OLFM1: variants seen among roughly 807,000 people sequenced by gnomAD.
OLFM1 encodes noelin.
In OLFM1, 9 loss-of-function variants were observed where a neutral mutation model predicts 49.7. The observed-to-expected ratio is 0.18, with a 90% CI of 0.11 to 0.32. The LOEUF is 0.32. OLFM1 is among the 10% of genes least tolerant of loss of function. The pLI, the probability that OLFM1 is intolerant of heterozygous loss-of-function variation, is 1.00. For synonymous variants in OLFM1, 240 were observed against 271.8 expected (o/e 0.88, Z 1.15); for missense variants, 369 against 661.8 (o/e 0.56, Z 4.85).
chr9:135,119,783 A>G lies in OLFM1; in HGVS notation c.1063A>G (p.Ile355Val). 6.2e-7 allele frequency: 1 copy of G among 1,614,006 alleles called. No homozygotes were observed. Among genetic ancestry groups the G allele is most frequent in the Non-Finnish European group, 8.5e-7 (1 of 1,180,038 alleles). ...CTACGCCTGGGGTGGCCACTCGGAC[A>G]TCGACCTCATGGTGGACGAGAGCGG... The part of the protein sequence containing the change: ...YHYAWGGHSD[I>V]DLMVDESGLW... Residue 355 changes from isoleucine to valine, a missense_variant, in exon 6 of 6, where the codon ATC becomes GTC. Physicochemically the swap from Ile to Val is conservative, Grantham distance 29 (BLOSUM62 3). This residue lies in a region of OLFM1 where 294 missense variants were observed against 567.5 expected (regional missense o/e 0.52). Coordinates refer to ENST00000371793, the MANE Select transcript of OLFM1 (RefSeq NM_001282611.2).
chr9:135,104,477 C>T (rs1197626712), intron 4 of OLFM1, among the ~76,000 whole-genome samples: 6 of 152,190 alleles, frequency 3.9e-5, no homozygotes, highest in Non-Finnish European at 7.3e-5. Context: ...GCCAGCGTCA[C>T]GGAAGGCCCG....
chr9:135,115,449 T>C (rs927009333), intron 5 of OLFM1, among the ~76,000 whole-genome samples: 3 of 152,212 alleles, frequency 2.0e-5, no homozygotes, highest in Admixed American at 1.3e-4. Context: ...AAAGGATAAG[T>C]GGACGGAGGG....
Position 135,076,889 on chromosome 9 carries a change from C to T in OLFM1, c.96+1087C>T, listed in dbSNP as rs79272696. 6,780 of 1,550,594 alleles carry T rather than the reference C, an allele frequency of 4.4e-3. 251 individuals carry two copies. In the African/African-American group the frequency reaches 0.083, roughly 19 times the overall value. On this transcript the variant is annotated intron_variant, in intron 1 of 5. Transcript: ENST00000252854. ...AGACCACAGGAGAGAAGACACTGAA[C>T]GAGCTTCCCTTGTTTTGCCTGGAAG...
chr9:135,106,526 C>A (rs956893109), intron 4 of OLFM1: 1 of 554,470 alleles, frequency 1.8e-6, no homozygotes, highest in African/African-American at 1.9e-5. Context: ...CCCTGCTATC[C>A]TGGCCACAGC....
intron 5 of OLFM1, among the ~76,000 whole-genome samples, chr9:135,111,887 T>C (rs1437188301): frequency 6.6e-6 from 1 of 152,064 alleles, no homozygotes; most frequent in East Asian, 1.9e-4. Flanking sequence ...TTTTTTTCTG[T>C]GTGTTTTTTA....
Position 135,119,562 on chromosome 9 carries a change from T to G in OLFM1, c.842T>G (p.Val281Gly). The G allele has an allele frequency of 6.2e-7, 1 of 1,614,010 alleles. No homozygotes were observed. The change falls in exon 6 of 6, where the codon GTT becomes GGT. Residue 281 changes from valine (V) to glycine (G), a missense_variant. Physicochemically the swap from Val to Gly is moderately radical, Grantham distance 109. Coordinates refer to ENST00000371793, the MANE Select transcript of OLFM1 (RefSeq NM_001282611.2). The stretch of plus-strand genomic sequence containing the variant: ...TTCGTACGTGAGTACAAGTCCATGG[T>G]TGACTTCATGAACACGGACAATTTC... ...NRFVREYKSM[V>G]DFMNTDNFTS...
chr9:135,075,579 T>C (rs1830451783), exon 1 of OLFM1: 2 of 482,216 alleles, frequency 4.1e-6, no homozygotes, highest in South Asian at 7.5e-5. Context: ...CGCCGCCCGC[T>C]CCGGGTGCTG....
Position 135,111,900 on chromosome 9 carries a change from A to G in OLFM1, c.783+5045A>G, listed in dbSNP as rs554548214. Among the ~76,000 whole-genome samples the G allele has an allele frequency of 1.1e-4, 16 of 152,080 alleles. 1 individual carries two copies. The South Asian group carries it at 3.1e-3, about 30-fold the overall frequency. The stretch of plus-strand genomic sequence containing the variant: ...ATTTTTTTTCTGTGTGTTTTTTAGT[A>G]GAGACAGGGTTTCACCACATTGGCC... On this transcript the variant is annotated intron_variant, in intron 5 of 5. Transcript: ENST00000371793.
intron 1 of OLFM1, chr9:135,075,968 TG>T: frequency 9.1e-7 from 1 of 1,102,462 alleles, no homozygotes. Context: ...AGGCTGGACC[TG>T]GGTGGGAGGG....
In OLFM1 at chr9:135,110,895, G is replaced by A. The variant is rs148253707; in HGVS notation, c.783+4040G>A. ...CCAAACCAAAGGGAAGTGCCAGCGC[G>A]GGCCCAAGTCCCTACGCCAAGACCC... On this transcript the variant is annotated intron_variant, in intron 5 of 5. Coordinates refer to ENST00000371793, the MANE Select transcript of OLFM1 (RefSeq NM_001282611.2). Among the ~76,000 whole-genome samples, 486 of 152,336 alleles carry A rather than the reference G, an allele frequency of 3.2e-3. 3 individuals are homozygous for A. Among genetic ancestry groups the A allele is most frequent in the South Asian group, 0.021 (101 of 4,820 alleles).
In OLFM1 at chr9:135,088,944, G is replaced by A. The variant is rs1830641966; in HGVS notation, c.150+805G>A. Among the ~76,000 whole-genome samples, 1 of 152,206 alleles carries A rather than the reference G, an allele frequency of 6.6e-6. No homozygotes were observed. Among genetic ancestry groups the A allele is most frequent in the Non-Finnish European group, 1.5e-5 (1 of 68,026 alleles). On this transcript the variant is annotated intron_variant, in intron 1 of 5. Coordinates refer to ENST00000371793, the MANE Select transcript of OLFM1 (RefSeq NM_001282611.2). This position sits in a 1 kb window ranked among gnomAD's most constrained non-coding sequence, Gnocchi z 4.8. Reference sequence around the variant, plus strand: ...AGAGCTGACTTAGATGGCTGAGCGAGGCTGAGCTGAAACCGCCACCCGGAG... The same window carrying A: ...AGAGCTGACTTAGATGGCTGAGCGAAGCTGAGCTGAAACCGCCACCCGGAG...
In OLFM1 at chr9:135,080,546, G is replaced by T. The variant is rs574144647; in HGVS notation, c.96+4744G>T. Among the ~76,000 whole-genome samples the T allele has an allele frequency of 6.6e-6, 1 of 152,076 alleles. No individual in the cohort carries two copies. Among genetic ancestry groups the T allele is most frequent in the Non-Finnish European group, 1.5e-5 (1 of 68,024 alleles). The stretch of plus-strand genomic sequence containing the variant: ...TGGAGAGGCTCCTGACACCAGGGGC[G>T]CTGAGCTGTCAATCCTGCCCATGAG... On this transcript the variant is annotated intron_variant, in intron 1 of 5. Transcript: ENST00000252854. The surrounding 1 kb of genome is among the most constrained non-coding windows in gnomAD (Gnocchi z 4.5).
At chr9:135,109,782 C>T (rs968592187) in intron 5 of OLFM1, among the ~76,000 whole-genome samples, 8 of 151,726 alleles carry the variant, frequency 5.3e-5, no homozygotes, top group Non-Finnish European at 1.0e-4. Flanking sequence ...CATTGTAAGG[C>T]AGGTGTGGCC....
chr9:135,115,360 C>T (rs1014672483), intron 5 of OLFM1, among the ~76,000 whole-genome samples: 20 of 152,350 alleles, frequency 1.3e-4, no homozygotes, highest in African/African-American at 3.8e-4. Context: ...AGCACAGGGA[C>T]GAGATTGCTT....
intron 5 of OLFM1, among the ~76,000 whole-genome samples, chr9:135,109,295 T>C (rs1437911004): frequency 6.6e-6 from 1 of 152,256 alleles, no homozygotes; most frequent in Non-Finnish European, 1.5e-5. Context: ...AAGCCCCGGC[T>C]GTTTGCTTTG....
chr9:135,114,962 C>A (rs1831076830), intron 5 of OLFM1, among the ~76,000 whole-genome samples: 1 of 152,090 alleles, frequency 6.6e-6, no homozygotes, highest in Admixed American at 6.6e-5. Flanking sequence ...GTCATCCAAG[C>A]CCCCCACCCA....
rs1831172336 is a variant in OLFM1 at position 135,120,501 on chromosome 9, A to G, written c.*323A>G. ...GACTGTTGGCCAGTTCTCACCGGGG[A>G]AAAACCCACTGTTAGGATGGCATGA... On this transcript the variant is annotated 3_prime_UTR_variant, in exon 6 of 6. Transcript: ENST00000371793. 3.0e-6 allele frequency: 1 copy of G among 338,908 alleles called. No homozygotes were observed. The highest frequency in any genetic ancestry group is 2.1e-5 in the African/African-American group (1 of 47,144). 21.0% of individuals were successfully genotyped at this position (338,908 alleles called of 1,614,324 possible).
intron 5 of OLFM1, among the ~76,000 whole-genome samples, chr9:135,116,398 G>C (rs1292107355): frequency 1.3e-5 from 2 of 152,112 alleles, no homozygotes; most frequent in African/African-American, 4.8e-5. Flanking sequence ...TTCAGAGTGC[G>C]GTATCCTGTG....
upstream of OLFM1, chr9:135,087,340 T>C: frequency 6.5e-7 from 1 of 1,541,158 alleles, no homozygotes; most frequent in East Asian, 2.5e-5. Context: ...GCGGACCCTC[T>C]GCGGGGATCG....
Sources: gnomAD v4.1 joint callset for allele counts (sites outside exome capture counted in the v4.1 genomes callset) on GRCh38, gnomAD v4.1.1 for gene constraint, gnomAD v4.1.1 regional missense constraint, Gnocchi (gnomAD v3.1) non-coding constraint, MANE v1.5 for transcripts, NCBI Gene and HGNC (gene_info 2026-07-23, HGNC 2026-07-21) for gene names.